PSD3: variants seen among roughly 807,000 people sequenced by gnomAD.
PSD3 encodes PH and SEC7 domain-containing protein 3.
PSD3 carries 49 observed loss-of-function variants against 105.5 expected under a neutral mutation model. The ratio of observed to expected loss-of-function variants is 0.46; its 90% confidence interval spans 0.37 to 0.59. PSD3 has a LOEUF of 0.59. PSD3 is among the 20% of genes least tolerant of loss of function. The probability of loss-of-function intolerance (pLI) is 0.00; values close to 1 mark genes in which losing one functional copy is unlikely to be tolerated. For synonymous variants in PSD3, 557 were observed against 457.8 expected, an observed-to-expected ratio of 1.22 and a Z score of -2.77; for missense variants, 1,561 against 1,263.8, an observed-to-expected ratio of 1.24 and a Z score of -3.57.
chr8:18,915,723 G>C (rs1288864883), intron 2 of PSD3, among the ~76,000 whole-genome samples: 1 of 152,144 alleles, frequency 6.6e-6, no homozygotes, highest in Non-Finnish European at 1.5e-5. Context: ...AAAAGATAAA[G>C]TACCAGATGC....
At chr8:18,865,666 C>G (rs1355661584) in intron 4 of PSD3, among the ~76,000 whole-genome samples, 6 of 152,058 alleles carry the variant, frequency 3.9e-5, no homozygotes, top group Admixed American at 6.6e-5. Context: ...AGGAATTGTA[C>G]AGTAGGAGTG....
intron 9 of PSD3, among the ~76,000 whole-genome samples, chr8:18,664,204 G>C (rs1809553571): frequency 6.6e-6 from 1 of 152,222 alleles, no homozygotes; most frequent in Non-Finnish European, 1.5e-5. Flanking sequence ...ATTAAGCTTA[G>C]TGAGGCTAAG....
intron 9 of PSD3, among the ~76,000 whole-genome samples, chr8:18,719,117 T>C (rs890514148): frequency 1.3e-5 from 2 of 152,192 alleles, no homozygotes; most frequent in African/African-American, 2.4e-5. Flanking sequence ...TGACTTCGGA[T>C]AGTCCCGCAG....
intron 9 of PSD3, among the ~76,000 whole-genome samples, chr8:18,668,184 A>T (rs1258527222): frequency 1.3e-5 from 2 of 152,204 alleles, no homozygotes; most frequent in East Asian, 3.9e-4. Context: ...GTGGGCAGAG[A>T]GGCCGAGGGG....
chr8:18,554,431 C>T (rs17643522), intron 15 of PSD3, among the ~76,000 whole-genome samples: 20,833 of 151,984 alleles, frequency 0.14, 1,665 homozygotes, highest in East Asian at 0.33. Context: ...GGTAAGGCTT[C>T]TACGGTTTTT....
At chr8:18,636,772 T>C (rs1406044001) in intron 10 of PSD3, among the ~76,000 whole-genome samples, 1 of 152,234 alleles carries the variant, frequency 6.6e-6, no homozygotes, top group Non-Finnish European at 1.5e-5. Flanking sequence ...TTTGGCACAG[T>C]AACGAGCTAT....
Position 18,740,920 on chromosome 8 carries a change from G to C in PSD3, c.2172+24529C>G, listed in dbSNP as rs146153423. Reference sequence around the variant, plus strand: ...TCCCAGTGACTTCCGGCTTTTCTCTGAGTGTGGATTAACCTGGGTGCCTCC... The same window carrying C: ...TCCCAGTGACTTCCGGCTTTTCTCTCAGTGTGGATTAACCTGGGTGCCTCC... On this transcript the variant is annotated intron_variant, in intron 9 of 15. Coordinates refer to ENST00000327040, the MANE Select transcript of PSD3 (RefSeq NM_015310.4). 1.1e-3 allele frequency among the ~76,000 whole-genome samples: 165 copies of C among 152,278 alleles called. 1 individual carries two copies. The East Asian group carries it at 0.03, about 28-fold the overall frequency.
At chr8:18,926,079 A>G (rs1821341821) in intron 2 of PSD3, among the ~76,000 whole-genome samples, 1 of 150,152 alleles carries the variant, frequency 6.7e-6, no homozygotes, top group South Asian at 2.1e-4. Context: ...TATCCTGAAC[A>G]CATTTATTTT....
chr8:18,663,248 G>A (rs1263137243), intron 9 of PSD3, among the ~76,000 whole-genome samples: 1 of 151,954 alleles, frequency 6.6e-6, no homozygotes, highest in Non-Finnish European at 1.5e-5. Context: ...CCAACGTGGC[G>A]AAACCCAGCC....
At chr8:18,819,575 A>T (rs1424533904) in intron 4 of PSD3, among the ~76,000 whole-genome samples, 25 of 111,308 alleles carry the variant, frequency 2.2e-4, no homozygotes, top group South Asian at 3.4e-4. Context: ...ATTAGAATGG[A>T]TTTTTTTTTT....
intron 1 of PSD3, among the ~76,000 whole-genome samples, chr8:19,052,889 C>G (rs961052308): frequency 2.0e-5 from 3 of 152,052 alleles, no homozygotes; most frequent in African/African-American, 7.2e-5. Context: ...TAGAGGAAGT[C>G]CAGCCAAGCT....
intron 1 of PSD3, among the ~76,000 whole-genome samples, chr8:19,035,167 T>A (rs1007304316): frequency 6.6e-6 from 1 of 152,218 alleles, no homozygotes; most frequent in African/African-American, 2.4e-5. Context: ...TACTTGCAAA[T>A]CTTTTCATTA....
intron 1 of PSD3, among the ~76,000 whole-genome samples, chr8:19,023,985 G>C (rs1455992488): frequency 6.6e-6 from 1 of 152,138 alleles, no homozygotes; most frequent in Non-Finnish European, 1.5e-5. Flanking sequence ...CTTTTCCTAA[G>C]TACATAGCTG....
intron 15 of PSD3, among the ~76,000 whole-genome samples, chr8:18,555,446 C>CA (rs1801013471): frequency 6.6e-6 from 1 of 151,882 alleles, no homozygotes; most frequent in Non-Finnish European, 1.5e-5. Flanking sequence ...AAACAAAAAA[C>CA]AACAGGTCAA....
At chr8:18,627,648 G>A (rs991579066) in intron 11 of PSD3, among the ~76,000 whole-genome samples, 1 of 151,872 alleles carries the variant, frequency 6.6e-6, no homozygotes, top group African/African-American at 2.4e-5. Context: ...AAGGGTAAAG[G>A]CAAGCGTCTA....
rs188644281 is a variant in PSD3 at position 19,083,893 on chromosome 8, T to C, written c.324+313A>G. On this transcript the variant is annotated intron_variant, in intron 1 of 1. Transcript: ENST00000521475. ...AGGACCCAATAAATGTCTGGGTACC[T>C]CCTTTGTCCTTCCTTCTGGTGTTCC... 3.2e-4 allele frequency among the ~76,000 whole-genome samples: 48 copies of C among 152,320 alleles called. No homozygotes were observed. In the East Asian group the frequency reaches 8.7e-3, roughly 28 times the overall value.
chr8:19,005,049 C>T lies in PSD3; in HGVS notation c.21+8514G>A, dbSNP rs574149881. Reference sequence around the variant, plus strand: ...ATGGACGAATACGAGCCAATAAGCACGTGAAAATATATTCATCATCATTAG... The same window carrying T: ...ATGGACGAATACGAGCCAATAAGCATGTGAAAATATATTCATCATCATTAG... On this transcript the variant is annotated intron_variant, in intron 1 of 15. Transcript: ENST00000327040. Among the ~76,000 whole-genome samples the T allele has an allele frequency of 4.1e-4, 62 of 152,080 alleles. No homozygotes were observed. In the South Asian group the frequency reaches 0.012, roughly 30 times the overall value.
chr8:19,068,639 G>A (rs188848680), intron 1 of PSD3, among the ~76,000 whole-genome samples: 18 of 152,114 alleles, frequency 1.2e-4, no homozygotes, highest in Non-Finnish European at 2.4e-4. Flanking sequence ...GAACTGACAC[G>A]TCCTTGCGAT....
intron 8 of PSD3, among the ~76,000 whole-genome samples, chr8:18,780,112 G>C (rs1033154548): frequency 6.6e-6 from 1 of 152,140 alleles, no homozygotes; most frequent in African/African-American, 2.4e-5. Flanking sequence ...CCAGTGTTGG[G>C]CGCACAAATA....
Sources: gnomAD v4.1 joint callset for allele counts (sites outside exome capture counted in the v4.1 genomes callset) on GRCh38, gnomAD v4.1.1 for gene constraint, MANE v1.5 for transcripts, NCBI Gene and HGNC (gene_info 2026-07-23, HGNC 2026-07-21) for gene names.